ROBO2: variants seen among roughly 807,000 people sequenced by gnomAD.
ROBO2 encodes roundabout guidance receptor 2.
Under a neutral mutation model 160.8 loss-of-function variants are expected in ROBO2, and 53 were observed. That is an observed-to-expected ratio of 0.33 (90% confidence interval 0.26 to 0.41). The LOEUF is 0.41. Among genes scored for constraint, ROBO2 ranks in the 10% least tolerant of loss-of-function variants. The probability of loss-of-function intolerance (pLI) is 1.00; values close to 1 mark genes in which losing one functional copy is unlikely to be tolerated. For missense variants in ROBO2, 1,577 were observed against 1,722.4 expected (o/e 0.92, Z 1.49); for synonymous variants, 664 against 611.7 (o/e 1.09, Z -1.26).
At chr3:76,240,750 ATT>A (rs1169873837) in intron 2 of ROBO2, among the ~76,000 whole-genome samples, 1 of 152,108 alleles carries the variant, frequency 6.6e-6, no homozygotes, top group Non-Finnish European at 1.5e-5. Flanking sequence ...GATACTTATC[ATT>A]ATCCAATTGG....
At position 77,460,562 on chromosome 3, in the gene ROBO2, A is replaced by G. The variant is rs545140915; in HGVS notation, c.389-16852A>G. Among the ~76,000 whole-genome samples the G allele has an allele frequency of 2.0e-5, 3 of 152,304 alleles. No individual in the cohort carries two copies. The South Asian group carries it at 6.2e-4, about 32-fold the overall frequency. On this transcript the variant is annotated intron_variant, in intron 2 of 25. Coordinates refer to ENST00000461745, the Ensembl canonical transcript of ROBO2. ...AAGGGCAGGAAGCTTTTGGCAAAGT[A>G]GATGGATGAGTAATGGCTAGTTGGA...
At chr3:77,336,035 A>G (rs1403198527) in intron 2 of ROBO2, among the ~76,000 whole-genome samples, 1 of 152,234 alleles carries the variant, frequency 6.6e-6, no homozygotes, top group Non-Finnish European at 1.5e-5. Flanking sequence ...AGAATGGACT[A>G]TAAAGTTCCA....
chr3:76,845,828 A>G (rs533696836), intron 2 of ROBO2, among the ~76,000 whole-genome samples: 1 of 152,148 alleles, frequency 6.6e-6, no homozygotes, highest in South Asian at 2.1e-4. Context: ...CTAAGGTTAT[A>G]TTATATTCTC....
intron 2 of ROBO2, among the ~76,000 whole-genome samples, chr3:76,820,237 T>C (rs545833019): frequency 6.6e-6 from 1 of 152,198 alleles, no homozygotes; most frequent in South Asian, 2.1e-4. Context: ...ACCCTTTCTT[T>C]TATTGCCACA....
intron 2 of ROBO2, among the ~76,000 whole-genome samples, chr3:76,249,274 G>A (rs1447019439): frequency 6.6e-6 from 1 of 152,054 alleles, no homozygotes; most frequent in Non-Finnish European, 1.5e-5. Context: ...AGTCAAAATG[G>A]ATATTTATAC....
intron 2 of ROBO2, among the ~76,000 whole-genome samples, chr3:76,358,898 A>C (rs1412983123): frequency 6.7e-6 from 1 of 149,046 alleles, no homozygotes; most frequent in Non-Finnish European, 1.5e-5. Context: ...CATTAGGTAT[A>C]TCTCCTAATG....
At chr3:76,858,615 A>C (rs1048531568) in intron 2 of ROBO2, among the ~76,000 whole-genome samples, 2 of 152,192 alleles carry the variant, frequency 1.3e-5, no homozygotes, top group African/African-American at 4.8e-5. Context: ...GAGTAATAAG[A>C]AGTAAGACTC....
chr3:77,336,629 T>C lies in ROBO2; in HGVS notation c.389-140785T>C, dbSNP rs532844560. Among the ~76,000 whole-genome samples, 11 of 152,252 alleles carry C rather than the reference T, an allele frequency of 7.2e-5. No homozygotes were observed. The South Asian group carries it at 2.3e-3, about 32-fold the overall frequency. On this transcript the variant is annotated intron_variant, in intron 2 of 25. Coordinates refer to ENST00000461745, the Ensembl canonical transcript of ROBO2. ...ATTGAATAATTAGAAATTTTAGTAA[T>C]ACATTATGAGGGAACTAATGAGGGC...
intron 2 of ROBO2, among the ~76,000 whole-genome samples, chr3:76,327,717 A>G (rs1388748261): frequency 6.6e-6 from 1 of 152,230 alleles, no homozygotes; most frequent in East Asian, 1.9e-4. Flanking sequence ...CATGATGTGA[A>G]TGTTAAGAAA....
At chr3:76,282,371 A>C (rs1294679217) in intron 2 of ROBO2, among the ~76,000 whole-genome samples, 1 of 152,056 alleles carries the variant, frequency 6.6e-6, no homozygotes, top group Non-Finnish European at 1.5e-5. Context: ...CTCAAAGTAC[A>C]TAGTTGAGTT....
At chr3:76,840,047 C>A (rs1181530372) in intron 2 of ROBO2, among the ~76,000 whole-genome samples, 1 of 151,962 alleles carries the variant, frequency 6.6e-6, no homozygotes, top group Non-Finnish European at 1.5e-5. Flanking sequence ...TTTGAGTCTT[C>A]TCTCTTTTTT....
chr3:77,418,171 G>C (rs529560469), intron 2 of ROBO2, among the ~76,000 whole-genome samples: 1 of 151,842 alleles, frequency 6.6e-6, no homozygotes, highest in African/African-American at 2.4e-5. Flanking sequence ...ATGTGAAAAA[G>C]TCACAGCAGC....
intron 2 of ROBO2, among the ~76,000 whole-genome samples, chr3:76,774,249 G>C (rs967936877): frequency 6.6e-6 from 1 of 150,852 alleles, no homozygotes; most frequent in African/African-American, 2.4e-5. Flanking sequence ...AAAATACCAA[G>C]CTAACTCTGA....
chr3:76,753,229 C>A (rs1321228835), intron 2 of ROBO2, among the ~76,000 whole-genome samples: 3 of 151,658 alleles, frequency 2.0e-5, no homozygotes, highest in Non-Finnish European at 4.4e-5. Context: ...GTTTTAAATT[C>A]TTTTGTTATT....
At chr3:76,546,109 A>C (rs909572857) in intron 2 of ROBO2, among the ~76,000 whole-genome samples, 2 of 151,902 alleles carry the variant, frequency 1.3e-5, no homozygotes, top group African/African-American at 4.8e-5. Flanking sequence ...TGGTAAAATC[A>C]TTCCAAATTC....
chr3:76,848,248 G>A (rs1341737134), intron 2 of ROBO2, among the ~76,000 whole-genome samples: 1 of 152,154 alleles, frequency 6.6e-6, no homozygotes, highest in African/African-American at 2.4e-5. Flanking sequence ...AATTACTTAT[G>A]AGTTCTGGGA....
At chr3:76,501,356 C>T (rs2080453699) in intron 2 of ROBO2, among the ~76,000 whole-genome samples, 1 of 152,054 alleles carries the variant, frequency 6.6e-6, no homozygotes, top group South Asian at 2.1e-4. Flanking sequence ...AAATTTCAGC[C>T]CATTATATTA....
chr3:76,394,326 T>C (rs2077310996), intron 2 of ROBO2, among the ~76,000 whole-genome samples: 3 of 152,110 alleles, frequency 2.0e-5, no homozygotes, highest in Non-Finnish European at 4.4e-5. Flanking sequence ...GGCCTGGTGG[T>C]GACAAAATCT....
intron 2 of ROBO2, among the ~76,000 whole-genome samples, chr3:77,104,387 C>T (rs574192072): frequency 4.6e-5 from 7 of 152,238 alleles, no homozygotes; most frequent in African/African-American, 1.7e-4. Context: ...GTTTGTTTAG[C>T]ATGTATTAGT....
Sources: allele counts gnomAD v4.1 joint callset (sites outside exome capture counted in the v4.1 genomes callset), GRCh38; gene constraint gnomAD v4.1.1; transcripts MANE v1.5; gene names NCBI Gene and HGNC (gene_info 2026-07-23, HGNC 2026-07-21).